KIAA1671: variants seen among roughly 807,000 people sequenced by gnomAD.
KIAA1671 encodes the protein uncharacterized protein KIAA1671.
A neutral mutation model predicts 131.2 loss-of-function variants in KIAA1671; 52 were observed. The ratio of observed to expected loss-of-function variants is 0.40; its 90% CI spans 0.32 to 0.50. KIAA1671 has a LOEUF of 0.50. Ranked by LOEUF, KIAA1671 falls within the 20% of genes least tolerant of loss-of-function variation. The pLI is 0.73. For synonymous variants in KIAA1671, 1,003 were observed against 961.6 expected (o/e 1.04, Z -0.80); for missense variants, 2,360 against 2,364.2 (o/e 1.00, Z 0.04).
chr22:24,982,357 C>T (rs1391957678), intron 1 of KIAA1671, among the ~76,000 whole-genome samples: 1 of 152,202 alleles, frequency 6.6e-6, no homozygotes, highest in Non-Finnish European at 1.5e-5. Flanking sequence ...TGCTAAAAAG[C>T]GTGATTAGCA....
intron 6 of KIAA1671, among the ~76,000 whole-genome samples, chr22:25,109,440 C>G (rs538525347): frequency 6.6e-6 from 1 of 152,140 alleles, no homozygotes; most frequent in Non-Finnish European, 1.5e-5. Context: ...CGTGAGCCAC[C>G]GCGCCCGGCC....
In KIAA1671 at chr22:25,028,598, C is replaced by A; in HGVS notation, c.599C>A (p.Ser200Tyr). The A allele has an allele frequency of 6.8e-7, 1 of 1,478,322 alleles. No individual in the cohort carries two copies. Among genetic ancestry groups the A allele is most frequent in the Non-Finnish European group, 9.1e-7 (1 of 1,104,418 alleles). 91.6% of individuals were successfully genotyped at this position (1,478,322 alleles called of 1,614,324 possible). Reference protein sequence around the residue: ...AGTLPRSAPLSQDTKPPVPQE... With the variant: ...AGTLPRSAPLYQDTKPPVPQE... ...ACCCTTCCCCGGTCAGCTCCCCTGTCTCAGGACACAAAACCACCTGTACCC... is the reference window on the plus strand; with the variant it reads ...ACCCTTCCCCGGTCAGCTCCCCTGTATCAGGACACAAAACCACCTGTACCC... Residue 200 changes from serine to tyrosine, a missense_variant, in exon 3 of 13, where the codon TCT becomes TAT. By Grantham distance (144) the Ser-to-Tyr change is moderately radical. Around this residue, in one of 3 missense-constraint regions of KIAA1671, gnomAD observed 1,185 missense variants for 1,126.2 expected, o/e 1.05. Coordinates refer to ENST00000358431, the MANE Select transcript of KIAA1671 (RefSeq NM_001145206.2).
At chr22:25,009,406 A>G (rs1455498105) in intron 1 of KIAA1671, among the ~76,000 whole-genome samples, 1 of 150,526 alleles carries the variant, frequency 6.6e-6, no homozygotes, top group Non-Finnish European at 1.5e-5. Flanking sequence ...CTGGGATTAC[A>G]GGTGCCTGTC....
chr22:25,085,930 G>A (rs1929695537), intron 6 of KIAA1671, among the ~76,000 whole-genome samples: 1 of 152,092 alleles, frequency 6.6e-6, no homozygotes, highest in African/African-American at 2.4e-5. Flanking sequence ...GAATGGATGA[G>A]TGAGACTCTT....
intron 6 of KIAA1671, among the ~76,000 whole-genome samples, chr22:25,069,794 T>C (rs567819927): frequency 6.6e-6 from 1 of 152,084 alleles, no homozygotes; most frequent in Admixed American, 6.5e-5. Context: ...AGGGCCTCCT[T>C]CTCCTCATGT....
At chr22:25,178,766 A>C (rs1008584244) in intron 9 of KIAA1671, among the ~76,000 whole-genome samples, 1 of 152,082 alleles carries the variant, frequency 6.6e-6, no homozygotes, top group African/African-American at 2.4e-5. Flanking sequence ...CATTAAGGAA[A>C]GCTGCAGCCC....
intron 6 of KIAA1671, among the ~76,000 whole-genome samples, chr22:25,124,273 A>G (rs574820811): frequency 6.6e-6 from 1 of 152,354 alleles, no homozygotes; most frequent in Admixed American, 6.5e-5. Context: ...ATATGAGAGC[A>G]TGGTGGCTTT....
At position 25,181,744 on chromosome 22, in the gene KIAA1671, C is replaced by T. The variant is rs1036577649; in HGVS notation, c.5120C>T (p.Ala1707Val). 64 of 1,551,492 alleles carry T rather than the reference C, an allele frequency of 4.1e-5. No homozygotes were observed. In the African/African-American group the frequency reaches 4.2e-4, roughly 10 times the overall value. The change falls in exon 10 of 13, where the codon GCA (alanine) becomes GTA (valine). Residue 1707 changes from alanine (A) to valine (V), a missense_variant. Ala to Val is a moderately conservative substitution (Grantham distance 64). Transcript: ENST00000358431. ...GAGGAGTCGGATGAGGAGGAGACGG[C>T]ATCCAAAGCTGAGAGGACCCCTGTC... is the stretch of plus-strand genomic sequence containing the variant. ...RKEESDEEET[A>V]SKAERTPVSH...
At chr22:24,991,323 C>A (rs1923829668) in intron 1 of KIAA1671, among the ~76,000 whole-genome samples, 1 of 151,978 alleles carries the variant, frequency 6.6e-6, no homozygotes, top group South Asian at 2.1e-4. Context: ...ATGCCCAGCC[C>A]CTTTCTTCCT....
intron 6 of KIAA1671, chr22:25,070,296 AAGAGCCGCTCCCGCT>A (rs1334030315): frequency 2.4e-6 from 1 of 418,070 alleles, no homozygotes; most frequent in African/African-American, 2.1e-5. Flanking sequence ...CAGGAGTGAG[AAGAGCCGCTCCCGCT>A]AGAGGAAAGC....
chr22:24,965,572 T>G (rs1321217347), intron 1 of KIAA1671, among the ~76,000 whole-genome samples: 1 of 150,266 alleles, frequency 6.7e-6, no homozygotes, highest in Non-Finnish European at 1.5e-5. Context: ...AACCCTGTCT[T>G]TGCTAAAAAT....
At chr22:25,073,487 A>G (rs1355014221) in intron 6 of KIAA1671, among the ~76,000 whole-genome samples, 2 of 152,340 alleles carry the variant, frequency 1.3e-5, no homozygotes, top group East Asian at 3.9e-4. Flanking sequence ...CAAGCAAATT[A>G]ACATACCTAT....
Position 25,177,384 on chromosome 22 carries a change from C to T in KIAA1671, c.4936C>T (p.Arg1646Trp). Residue 1646 changes from arginine to tryptophan, a missense_variant, in exon 9 of 13, where the codon CGG becomes TGG. Physicochemically the swap from Arg to Trp is moderately radical, Grantham distance 101. Around this residue, in one of 3 missense-constraint regions of KIAA1671, gnomAD observed 1,161 missense variants for 1,204.7 expected, o/e 0.96. Transcript: ENST00000358431. ...SVLDSSALKT[R>W]VQLSKRSRRR... is the part of the protein sequence containing the mutation. ...CCTCGACTCAAGTGCCCTCAAGACC[C>T]GGGTGCAGCTCAGCAAGAGAAGCCG... The T allele has an allele frequency of 6.4e-7, 1 of 1,551,790 alleles. No individual in the cohort carries two copies. Among genetic ancestry groups the T allele is most frequent in the Non-Finnish European group, 8.7e-7 (1 of 1,147,040 alleles).
chr22:24,957,040 GTTC>G (rs771401608), intron 1 of KIAA1671, among the ~76,000 whole-genome samples: 7 of 152,104 alleles, frequency 4.6e-5, no homozygotes, highest in Admixed American at 1.3e-4. Flanking sequence ...TTCTCAAAAG[GTTC>G]TTATGTGAGT....
chr22:25,115,695 C>T (rs924975930), intron 6 of KIAA1671, among the ~76,000 whole-genome samples: 6 of 152,186 alleles, frequency 3.9e-5, no homozygotes, highest in African/African-American at 1.4e-4. Context: ...TTACTGTGTG[C>T]AGGGCTCCAT....
Position 25,181,717 on chromosome 22 carries a change from A to T in KIAA1671, c.5093A>T (p.Lys1698Met). 6.4e-7 allele frequency: 1 copy of T among 1,551,634 alleles called. No homozygotes were observed. Among genetic ancestry groups the T allele is most frequent in the Non-Finnish European group, 8.7e-7 (1 of 1,146,960 alleles). The change falls in exon 10 of 13, where the codon AAG becomes ATG. Residue 1698 changes from lysine to methionine, a missense_variant. By Grantham distance (95) the Lys-to-Met change is moderately conservative (BLOSUM62 -1). This residue lies in a region of KIAA1671 where 1,161 missense variants were observed against 1,204.7 expected (regional missense o/e 0.96). Transcript: ENST00000358431. ...GCAACAGAGGAGAAATCACCCAGGA[A>T]GGAGGAGTCGGATGAGGAGGAGACG... ...KDSTEEKSPR[K>M]EESDEEETAS...
In KIAA1671 at chr22:25,039,095, C is replaced by T; in HGVS notation, c.1965C>T (p.Gly655=). The T allele has an allele frequency of 6.4e-7, 1 of 1,551,666 alleles. No homozygotes were observed. The highest frequency in any genetic ancestry group is 1.7e-4 in the Middle Eastern group (1 of 5,992). ...VSEPRPRPEM[G]SWLGRDPPDM... ...AACCCAGGCCGAGGCCTGAGATGGG[C>T]TCTTGGCTGGGCAGGGACCCACCAG... is the stretch of plus-strand genomic sequence containing the variant. Residue 655 remains glycine (G), a synonymous_variant, in exon 5 of 13, where the codon GGC becomes GGT. Coordinates refer to ENST00000358431, the MANE Select transcript of KIAA1671 (RefSeq NM_001145206.2).
At chr22:24,954,908 G>C (rs1921611109) in intron 1 of KIAA1671, among the ~76,000 whole-genome samples, 1 of 152,072 alleles carries the variant, frequency 6.6e-6, no homozygotes, top group Non-Finnish European at 1.5e-5. Flanking sequence ...AGCCTCCAGA[G>C]TGGCTGGGAT....
chr22:24,969,484 C>CA (rs1922488231), intron 1 of KIAA1671, among the ~76,000 whole-genome samples: 2 of 152,084 alleles, frequency 1.3e-5, no homozygotes, highest in East Asian at 3.8e-4. Flanking sequence ...TCATTACAGA[C>CA]ACAACCATCC....
Sources: gnomAD v4.1 joint callset for allele counts (sites outside exome capture counted in the v4.1 genomes callset) on GRCh38, gnomAD v4.1.1 for gene constraint, gnomAD v4.1.1 regional missense constraint, MANE v1.5 for transcripts, NCBI Gene and HGNC (gene_info 2026-07-23, HGNC 2026-07-21) for gene names.